The following PRPSAP1 variants were observed in gnomAD, a reference collection of about 807,000 sequenced individuals.
PRPSAP1 encodes phosphoribosyl pyrophosphate synthetase associated protein 1, also known as phosphoribosyl pyrophosphate synthase-associated protein 1.
PRPSAP1 carries 31 observed loss-of-function variants against 39.4 expected under a neutral mutation model. The observed-to-expected ratio is 0.79, with a 90% CI of 0.59 to 1.06. PRPSAP1 has a LOEUF of 1.06. PRPSAP1 is among the 50% of genes least tolerant of loss of function. The pLI, the probability that PRPSAP1 is intolerant of heterozygous loss-of-function variation, is 0.00. For synonymous variants in PRPSAP1, 212 were observed against 192.6 expected, an observed-to-expected ratio of 1.10 and a Z score of -0.83; for missense variants, 430 against 511.6, an observed-to-expected ratio of 0.84 and a Z score of 1.54.
At chr17:76,339,283 T>C (rs2071410829) in intron 3 of PRPSAP1, among the ~76,000 whole-genome samples, 2 of 151,400 alleles carry the variant, frequency 1.3e-5, no homozygotes, top group African/African-American at 4.9e-5. Context: ...CACACGCCTA[T>C]AATCCCAGCT....
At chr17:76,352,737 C>CATAGTGCAGTGG (rs1204177365) in intron 1 of PRPSAP1, among the ~76,000 whole-genome samples, 1 of 151,746 alleles carries the variant, frequency 6.6e-6, no homozygotes, top group African/African-American at 2.4e-5. Flanking sequence ...TGAGCCCCTA[C>CATAGTGCAGTGG]TCTGCTAGAA....
At chr17:76,319,749 G>GCCATTTTTCTAACA (rs2071168824) in intron 7 of PRPSAP1, among the ~76,000 whole-genome samples, 1 of 151,926 alleles carries the variant, frequency 6.6e-6, no homozygotes, top group Non-Finnish European at 1.5e-5. Context: ...CACCGTGCCT[G>GCCATTTTTCTAACA]GCCTGACTGA....
At chr17:76,331,610 G>A (rs756223124) in intron 4 of PRPSAP1, among the ~76,000 whole-genome samples, 3 of 152,110 alleles carry the variant, frequency 2.0e-5, no homozygotes, top group Admixed American at 1.3e-4. Flanking sequence ...GAGTATCTTT[G>A]GGTTTTTGTA....
intron 7 of PRPSAP1, among the ~76,000 whole-genome samples, chr17:76,322,206 G>C (rs381268): frequency 6.6e-6 from 1 of 151,948 alleles, no homozygotes; most frequent in Non-Finnish European, 1.5e-5. Flanking sequence ...TGACCAGCCC[G>C]ACCAACATGG....
At position 76,337,557 on chromosome 17, in the gene PRPSAP1, C is replaced by T. The variant is rs1191898143; in HGVS notation, c.291-5122G>A. ...CTGGAAGTAATGGGGGAGAATTTAC[C>T]CTGCTCCCAACTGTAACAATTAATC... On this transcript the variant is annotated intron_variant, in intron 3 of 9. Transcript: ENST00000446526. 10 of 152,276 alleles carry T rather than the reference C, an allele frequency of 6.6e-5. No individual in the cohort carries two copies. In the East Asian group the frequency reaches 1.9e-3, roughly 29 times the overall value. The allele number at this position is 152,276 out of a possible 1,614,324, so 9.4% of individuals were successfully genotyped here.
intron 3 of PRPSAP1, among the ~76,000 whole-genome samples, chr17:76,333,868 ATTCATTCT>A (rs940429762): frequency 7.9e-5 from 12 of 152,118 alleles, no homozygotes; most frequent in African/African-American, 2.6e-4. Flanking sequence ...TCATTCATTC[ATTCATTCT>A]TTCTTTCACT....
intron 7 of PRPSAP1, among the ~76,000 whole-genome samples, chr17:76,322,733 C>T (rs906329830): frequency 4.6e-5 from 7 of 152,026 alleles, no homozygotes; most frequent in African/African-American, 1.7e-4. Context: ...TACCTCTAAT[C>T]CTAGCACTTC....
At position 76,310,569 on chromosome 17, in the gene PRPSAP1, A is replaced by G. The variant is rs764908099; in HGVS notation, c.*973T>C. ...CAGCTTCAACCTCCTTGGCTCAGGC[A>G]ATCCTCCCACCTCAGCCTCCCAAGG... On this transcript the variant is annotated 3_prime_UTR_variant, in exon 10 of 10. Transcript: ENST00000446526. The G allele has an allele frequency of 1.3e-5, 2 of 151,318 alleles. No homozygotes were observed. The highest frequency in any genetic ancestry group is 2.9e-5 in the Non-Finnish European group (2 of 67,858). 9.4% of individuals were successfully genotyped at this position (151,318 alleles called of 1,614,324 possible).
rs757970518 is a variant in PRPSAP1 at position 76,330,629 on chromosome 17, C to T, written c.501G>A (p.Lys167=). Residue 167 remains lysine, a synonymous_variant, in exon 5 of 10, where the codon AAG becomes AAA. Transcript: ENST00000446526. ...THIITMDLHQ[K]EIQGFFSFPV... ...GAAAGCTGAAAAAGCCTTGTATTTCCTTTTGATGAAGATCCATAGTGATAA... is the reference window on the plus strand; with the variant it reads ...GAAAGCTGAAAAAGCCTTGTATTTCTTTTTGATGAAGATCCATAGTGATAA... 1 of 1,612,864 alleles carries T rather than the reference C, an allele frequency of 6.2e-7. No homozygotes were observed. The highest frequency in any genetic ancestry group is 1.1e-5 in the South Asian group (1 of 90,940).
chr17:76,319,042 C>T (rs970934890), intron 7 of PRPSAP1, among the ~76,000 whole-genome samples: 8 of 152,044 alleles, frequency 5.3e-5, no homozygotes, highest in Admixed American at 1.3e-4. Flanking sequence ...CAGGTTCAAG[C>T]GATTCTCCTG....
intron 7 of PRPSAP1, 126 bp from the exon 8 acceptor site, chr17:76,314,017 C>T: frequency 1.1e-6 from 1 of 941,944 alleles, no homozygotes; most frequent in Non-Finnish European, 1.6e-6. Flanking sequence ...ACAAACCATG[C>T]AAATTCCCCC....
chr17:76,315,750 T>C (rs1433073960), intron 7 of PRPSAP1, among the ~76,000 whole-genome samples: 2 of 135,148 alleles, frequency 1.5e-5, no homozygotes, highest in African/African-American at 2.8e-5. Context: ...AGTCTCACTC[T>C]GTCTCCCAGG....
rs148747269 is a variant in PRPSAP1, at chr17:76,316,524, C to A, written c.782-2633G>T. 5.7e-3 allele frequency among the ~76,000 whole-genome samples: 870 copies of A among 152,176 alleles called. 6 individuals are homozygous for A. The highest frequency in any genetic ancestry group is 0.02 in the African/African-American group (828 of 41,532). ...ACAGGGTAGAAAAAAATGACTAGTA[C>A]CTCACAGGCCAACAGTTTTTGAATA... On this transcript the variant is annotated intron_variant, in intron 7 of 9. Coordinates refer to ENST00000446526, the MANE Select transcript of PRPSAP1 (RefSeq NM_002766.3).
chr17:76,332,310 C>A lies in PRPSAP1; in HGVS notation c.416G>T (p.Arg139Met), dbSNP rs768753139. The change falls in exon 4 of 10, where the codon AGG becomes ATG. Residue 139 changes from arginine (R) to methionine (M), a missense_variant. Around this residue, in one of 2 missense-constraint regions of PRPSAP1, gnomAD observed 278 missense variants for 376.3 expected, o/e 0.74. Transcript: ENST00000446526. ...PYSKQSKMRK[R>M]GSIVCKLLAS... The stretch of plus-strand genomic sequence containing the variant: ...TAGCAGCTTGCACACAATGGAACCC[C>A]TCTTCCTCATCTTGCTCTGCTTGCT... 6.2e-7 allele frequency: 1 copy of A among 1,614,194 alleles called. No individual in the cohort carries two copies.
chr17:76,310,084 C>G lies in PRPSAP1; in HGVS notation c.*1458G>C, dbSNP rs2071053829. 6.6e-6 allele frequency: 1 copy of G among 151,032 alleles called. No homozygotes were observed. The highest frequency in any genetic ancestry group is 2.0e-4 in the East Asian group (1 of 5,114). 9.4% of individuals were successfully genotyped at this position (151,032 alleles called of 1,614,324 possible). On this transcript the variant is annotated 3_prime_UTR_variant, in exon 10 of 10. Coordinates refer to ENST00000446526, the MANE Select transcript of PRPSAP1 (RefSeq NM_002766.3). ...CACTGCAATCTCTGCCTCTTGGGTT[C>G]AACCAATTAATTCTCCTGCCTCAGC...
intron 3 of PRPSAP1, among the ~76,000 whole-genome samples, chr17:76,333,900 A>G (rs190718034): frequency 6.6e-6 from 1 of 152,128 alleles, no homozygotes; most frequent in East Asian, 1.9e-4. Context: ...TCACTCACTC[A>G]CTTATTAAGA....
chr17:76,332,426 A>G lies in PRPSAP1; in HGVS notation c.300T>C (p.Asn100=). Residue 100 remains asparagine (N), a synonymous_variant, in exon 4 of 10, where the codon AAT becomes AAC. Coordinates refer to ENST00000446526, the MANE Select transcript of PRPSAP1 (RefSeq NM_002766.3). ...FIIQTIPRDV[N]TAVMELLIMA... The stretch of plus-strand genomic sequence containing the variant: ...TGATGAGCAACTCCATCACAGCTGT[A>G]TTCACATCTCTGAAACAGTCAAAGT... 1.2e-6 allele frequency: 2 copies of G among 1,614,154 alleles called. No individual in the cohort carries two copies. The highest frequency in any genetic ancestry group is 1.7e-6 in the Non-Finnish European group (2 of 1,179,992).
intron 6 of PRPSAP1, 134 bp downstream of exon 6, chr17:76,329,909 C>A (rs1364678307): frequency 1.3e-6 from 1 of 747,866 alleles, no homozygotes; most frequent in Non-Finnish European, 2.3e-6. Context: ...TGGGACATGA[C>A]AACGATGGAG....
At chr17:76,353,175 A>C in intron 1 of PRPSAP1, 1 of 210,174 alleles carries the variant, frequency 4.8e-6, no homozygotes, top group Non-Finnish European at 9.6e-6. Flanking sequence ...GGTCAACTCC[A>C]GCCGTGGGAA....
Sources: gnomAD v4.1 joint callset for allele counts (sites outside exome capture counted in the v4.1 genomes callset) on GRCh38, gnomAD v4.1.1 for gene constraint, gnomAD v4.1.1 regional missense constraint, MANE v1.5 for transcripts, NCBI Gene and HGNC (gene_info 2026-07-23, HGNC 2026-07-21) for gene names.